The following TENM2 variants were observed in gnomAD, a reference collection of about 807,000 sequenced individuals.
TENM2 encodes the protein teneurin-2.
A neutral mutation model predicts 245.2 loss-of-function variants in TENM2; 52 were observed. The observed-to-expected ratio is 0.21, with a 90% confidence interval of 0.17 to 0.27. The LOEUF is 0.27. Ranked by LOEUF, TENM2 falls within the 10% of genes least tolerant of loss-of-function variation. The pLI, the probability that TENM2 is intolerant of heterozygous loss-of-function variation, is 1.00. For synonymous variants in TENM2, 1,363 were observed against 1,438.9 expected (o/e 0.95, Z 1.19); for missense variants, 3,046 against 3,666.8 (o/e 0.83, Z 4.37).
chr5:167,661,368 G>C (rs1755195387), intron 2 of TENM2, among the ~76,000 whole-genome samples: 1 of 152,178 alleles, frequency 6.6e-6, no homozygotes, highest in African/African-American at 2.4e-5. Context: ...ACTGTAAAGT[G>C]AGTGAGTTGG....
chr5:167,977,459 T>TA (rs1448120510), intron 4 of TENM2, among the ~76,000 whole-genome samples: 1 of 152,058 alleles, frequency 6.6e-6, no homozygotes, highest in Non-Finnish European at 1.5e-5. Context: ...TCAAATAAAA[T>TA]AGAAAAAAAT....
intron 2 of TENM2, among the ~76,000 whole-genome samples, chr5:167,657,697 C>T (rs1288992459): frequency 1.3e-5 from 2 of 150,670 alleles, no homozygotes; most frequent in African/African-American, 4.9e-5. Context: ...TAACTTCTTA[C>T]AACTACTAAA....
intron 2 of TENM2, among the ~76,000 whole-genome samples, chr5:167,416,371 T>C (rs894334737): frequency 2.0e-5 from 3 of 152,234 alleles, no homozygotes; most frequent in African/African-American, 7.2e-5. Flanking sequence ...CTCATCCATG[T>C]ACTGCATTTA....
chr5:168,154,147 T>TTAA (rs1281564022), intron 12 of TENM2, among the ~76,000 whole-genome samples: 3 of 85,100 alleles, frequency 3.5e-5, no homozygotes, highest in Non-Finnish European at 7.6e-5. Flanking sequence ...TCACCTACTT[T>TTAA]AAAAAAAAAA....
At chr5:167,438,081 C>T (rs975969129) in intron 2 of TENM2, among the ~76,000 whole-genome samples, 15 of 152,110 alleles carry the variant, frequency 9.9e-5, no homozygotes, top group African/African-American at 3.6e-4. Context: ...TGAGATTCCT[C>T]CATATAAAAT....
chr5:167,337,806 G>A lies in TENM2; in HGVS notation c.227-37392G>A, dbSNP rs767895779. On this transcript the variant is annotated intron_variant, in intron 1 of 28. Coordinates refer to ENST00000518659, the Ensembl canonical transcript of TENM2. ...GCTAAGTGCTGGCCTTGGAAATGTA[G>A]TTGAGATTATAAAAGGTTCATACCA... Among the ~76,000 whole-genome samples, 8 of 152,184 alleles carry A rather than the reference G, an allele frequency of 5.3e-5. No homozygotes were observed. The South Asian group carries it at 6.2e-4, about 12-fold the overall frequency.
the TENM2 span, among the ~76,000 whole-genome samples, chr5:167,008,453 T>A: frequency 1.4e-4 from 22 of 152,218 alleles, no homozygotes; most frequent in African/African-American, 5.1e-4. Flanking sequence ...TACCAGTCTT[T>A]CAATTTTTTC....
intron 2 of TENM2, among the ~76,000 whole-genome samples, chr5:167,390,935 C>T (rs531573147): frequency 2.0e-5 from 3 of 152,152 alleles, no homozygotes; most frequent in African/African-American, 7.2e-5. Flanking sequence ...AGCCCTTGCT[C>T]CCACTTCTCT....
upstream of TENM2, among the ~76,000 whole-genome samples, chr5:167,282,281 G>A (rs1482365290): frequency 1.3e-5 from 2 of 152,124 alleles, no homozygotes; most frequent in Admixed American, 6.5e-5. Context: ...CTCAGTGTTG[G>A]TACACAGTCT....
chr5:167,577,818 T>C (rs1212379306), intron 2 of TENM2, among the ~76,000 whole-genome samples: 1 of 152,194 alleles, frequency 6.6e-6, no homozygotes. Flanking sequence ...CTCCACTCAC[T>C]GAGAATCTGA....
the TENM2 span, among the ~76,000 whole-genome samples, chr5:167,121,054 G>A: frequency 5.9e-5 from 9 of 152,048 alleles, no homozygotes; most frequent in South Asian, 8.3e-4. Flanking sequence ...CTTAACTCTC[G>A]GTGGCAAGAT....
chr5:168,201,316 A>T (rs1337725494), intron 17 of TENM2, among the ~76,000 whole-genome samples: 1 of 151,996 alleles, frequency 6.6e-6, no homozygotes, highest in Non-Finnish European at 1.5e-5. Flanking sequence ...ACATACATAT[A>T]TACAGATATA....
chr5:167,355,032 C>G (rs887239645), intron 1 of TENM2, among the ~76,000 whole-genome samples: 4 of 152,142 alleles, frequency 2.6e-5, no homozygotes, highest in Non-Finnish European at 5.9e-5. Flanking sequence ...GAATAAGATA[C>G]GATATTGTAA....
chr5:167,330,539 T>C (rs1245123200), intron 1 of TENM2, among the ~76,000 whole-genome samples: 4 of 152,172 alleles, frequency 2.6e-5, no homozygotes, highest in Admixed American at 2.6e-4. Flanking sequence ...GAGTAGTCTC[T>C]CCCTGTCATA....
chr5:167,918,519 T>C (rs1405433565), intron 3 of TENM2, among the ~76,000 whole-genome samples: 1 of 152,192 alleles, frequency 6.6e-6, no homozygotes, highest in Non-Finnish European at 1.5e-5. Flanking sequence ...CGCAGTTTGA[T>C]TTTTGTCACC....
the TENM2 span, among the ~76,000 whole-genome samples, chr5:167,084,460 C>G: frequency 6.8e-6 from 1 of 147,780 alleles, no homozygotes; most frequent in African/African-American, 2.5e-5. Flanking sequence ...ACCATAACAA[C>G]AATAATAATA....
At chr5:167,842,762 T>C (rs1769664747) in intron 2 of TENM2, among the ~76,000 whole-genome samples, 2 of 152,160 alleles carry the variant, frequency 1.3e-5, no homozygotes, top group African/African-American at 4.8e-5. Context: ...CTTTGCTTCC[T>C]TGTGGCAGTG....
At chr5:167,956,040 G>A (rs1378433399) in intron 4 of TENM2, among the ~76,000 whole-genome samples, 1 of 152,116 alleles carries the variant, frequency 6.6e-6, no homozygotes, top group Non-Finnish European at 1.5e-5. Flanking sequence ...GGATAGCATT[G>A]AATCTATGAA....
intron 3 of TENM2, among the ~76,000 whole-genome samples, chr5:167,922,723 T>C (rs1047650833): frequency 2.0e-5 from 3 of 152,216 alleles, no homozygotes; most frequent in Non-Finnish European, 2.9e-5. Flanking sequence ...AATTATCCTG[T>C]GAACACCAAC....
Sources: gnomAD v4.1 joint callset for allele counts (sites outside exome capture counted in the v4.1 genomes callset) on GRCh38, gnomAD v4.1.1 for gene constraint, MANE v1.5 for transcripts, NCBI Gene and HGNC (gene_info 2026-07-23, HGNC 2026-07-21) for gene names.